The following WDR37 variants were observed in gnomAD, a reference collection of about 807,000 sequenced individuals.
WDR37 encodes the protein WD repeat domain 37.
In WDR37, 19 loss-of-function variants were observed where a neutral mutation model predicts 62.9. The ratio of observed to expected loss-of-function variants is 0.30; its 90% CI spans 0.21 to 0.44. WDR37 has a LOEUF of 0.44. Ranked by LOEUF, WDR37 falls within the 20% of genes least tolerant of loss-of-function variation. WDR37 has a pLI of 1.00. For missense variants in WDR37, 474 were observed against 657.6 expected (o/e 0.72, Z 3.05); for synonymous variants, 250 against 260.9 (o/e 0.96, Z 0.40).
intron 9 of WDR37, among the ~76,000 whole-genome samples, chr10:1,098,380 T>G (rs1290771597): frequency 7.0e-6 from 1 of 143,534 alleles, no homozygotes; most frequent in Admixed American, 7.6e-5. Context: ...CAGGCTGGAG[T>G]GCAGTGGCGT....
At chr10:1,069,391 T>A (rs7094070) in intron 1 of WDR37, among the ~76,000 whole-genome samples, 3,890 of 45,796 alleles carry the variant, frequency 0.085, 171 homozygotes, top group East Asian at 0.25. Context: ...ATATATATAT[T>A]TTTTTTTTTT....
chr10:1,114,189 T>A (rs528241700), intron 11 of WDR37, among the ~76,000 whole-genome samples: 39 of 152,264 alleles, frequency 2.6e-4, no homozygotes, highest in Non-Finnish European at 2.6e-4. Context: ...ACTGCTAACC[T>A]CAAATGATCC....
chr10:1,074,791 G>A (rs1215318013), intron 2 of WDR37, among the ~76,000 whole-genome samples: 1 of 152,354 alleles, frequency 6.6e-6, no homozygotes, highest in Non-Finnish European at 1.5e-5. Flanking sequence ...GGGAGACATC[G>A]TGTTAGGTTT....
chr10:1,070,714 C>G (rs1452538212), intron 1 of WDR37, among the ~76,000 whole-genome samples: 1 of 152,144 alleles, frequency 6.6e-6, no homozygotes, highest in Non-Finnish European at 1.5e-5. Flanking sequence ...GGAAGACACT[C>G]TAAATTTTTT....
Position 1,105,680 on chromosome 10 carries a change from G to A in WDR37, c.1103+413G>A, listed in dbSNP as rs4880765. Among the ~76,000 whole-genome samples the A allele has an allele frequency of 0.55, 84,156 of 151,846 alleles. 24,385 individuals are homozygous for A. Among genetic ancestry groups the A allele is most frequent in the Non-Finnish European group, 0.65 (44,311 of 67,950 alleles). ...AGTTTTTGTTATTACACGTGTCTGCGTGGTATATTCTGGGAGAAGGTATAC... is the reference window on the plus strand; with the variant it reads ...AGTTTTTGTTATTACACGTGTCTGCATGGTATATTCTGGGAGAAGGTATAC... On this transcript the variant is annotated intron_variant, in intron 11 of 13. Transcript: ENST00000263150. The surrounding 1 kb of genome is among the most constrained non-coding windows in gnomAD (Gnocchi z 5.3).
In WDR37 at chr10:1,111,671, C is replaced by T. The variant is rs1480690356; in HGVS notation, c.1103+6404C>T. Among the ~76,000 whole-genome samples the T allele has an allele frequency of 2.0e-5, 3 of 152,140 alleles. No homozygotes were observed. The East Asian group carries it at 5.8e-4, about 29-fold the overall frequency. ...GTGTTGTGGCATCTCTGTATTATAG[C>T]AGGAATTTTACCATGATAGTACTTA... On this transcript the variant is annotated intron_variant, in intron 11 of 13. Transcript: ENST00000263150.
chr10:1,084,649 T>C (rs1303597973), intron 6 of WDR37, 111 bp downstream of exon 6: 2 of 1,487,154 alleles, frequency 1.3e-6, no homozygotes, highest in Non-Finnish European at 9.1e-7. Context: ...AAAAGCGTCA[T>C]GGAGGAGTCA....
intron 11 of WDR37, among the ~76,000 whole-genome samples, chr10:1,115,924 C>T (rs886325385): frequency 8.5e-5 from 13 of 152,158 alleles, no homozygotes; most frequent in Non-Finnish European, 2.9e-5. Context: ...ACCTGTGTCT[C>T]CTCTCAGTGT....
intron 3 of WDR37, 94 bp downstream of exon 3, chr10:1,078,097 C>A: frequency 1.0e-6 from 1 of 967,188 alleles, no homozygotes. Flanking sequence ...GTTTTCTGTT[C>A]TGCTGTAGCA....
intron 11 of WDR37, among the ~76,000 whole-genome samples, chr10:1,107,231 C>A (rs1459052431): frequency 6.6e-6 from 1 of 152,236 alleles, no homozygotes; most frequent in Non-Finnish European, 1.5e-5. Context: ...TCCCCGACGT[C>A]CACCAGATGC....
Position 1,084,387 on chromosome 10 carries a change from C to T in WDR37, c.397-16C>T, listed in dbSNP as rs556591657. ...TTCAGTAAATTGTTTCACAAGACTC[C>T]CCATCTTGGTTTCAGATTGTCTCCA... On this transcript the variant is annotated splice_polypyrimidine_tract_variant and intron_variant, in intron 5 of 13. Coordinates refer to ENST00000263150, the MANE Select transcript of WDR37 (RefSeq NM_014023.4). The T allele has an allele frequency of 1.9e-6, 3 of 1,603,946 alleles. No individual in the cohort carries two copies. Among genetic ancestry groups the T allele is most frequent in the East Asian group, 2.2e-5 (1 of 44,594 alleles).
intron 11 of WDR37, among the ~76,000 whole-genome samples, chr10:1,108,738 T>TGGGGGG: frequency 1.7e-5 from 1 of 59,788 alleles, no homozygotes; most frequent in African/African-American, 5.5e-5. Context: ...GCTTCTGTGA[T>TGGGGGG]GCCCCCCCCC....
intron 1 of WDR37, among the ~76,000 whole-genome samples, chr10:1,062,249 A>G (rs1363338669): frequency 2.0e-5 from 3 of 152,226 alleles, no homozygotes; most frequent in Non-Finnish European, 4.4e-5. Context: ...GGCGGTATTG[A>G]CTATTTTGTG....
chr10:1,102,859 A>G (rs1267461587), intron 9 of WDR37, among the ~76,000 whole-genome samples: 1 of 152,166 alleles, frequency 6.6e-6, no homozygotes, highest in Non-Finnish European at 1.5e-5. Flanking sequence ...TTGCTAGAAC[A>G]GAAGTTCTCT....
At chr10:1,096,371 C>T (rs1589103878) in intron 9 of WDR37, 125 bp downstream of exon 9, 3 of 1,017,562 alleles carry the variant, frequency 2.9e-6, no homozygotes, top group Non-Finnish European at 4.5e-6. Context: ...GAAGGCCTCA[C>T]CCCCGGTATG....
At chr10:1,107,916 CAT>C (rs57242050) in intron 11 of WDR37, among the ~76,000 whole-genome samples, 23,848 of 151,986 alleles carry the variant, frequency 0.16, 2,287 homozygotes, top group African/African-American at 0.28. Flanking sequence ...TCTATTTACA[CAT>C]GTGTACACAC....
At chr10:1,069,389 A>ATATATATTTTTTTTTTT in intron 1 of WDR37, among the ~76,000 whole-genome samples, 2 of 95,806 alleles carry the variant, frequency 2.1e-5, no homozygotes, top group Admixed American at 1.2e-4. Flanking sequence ...ATATATATAT[A>ATATATATTTTTTTTTTT]TTTTTTTTTT....
intron 7 of WDR37, among the ~76,000 whole-genome samples, chr10:1,089,795 C>T (rs941058018): frequency 6.6e-6 from 1 of 152,234 alleles, no homozygotes; most frequent in Non-Finnish European, 1.5e-5. Context: ...TCTCTTCGCT[C>T]ATCGTCTCTT....
In WDR37 at chr10:1,106,544, T is replaced by G. The variant is rs955127116; in HGVS notation, c.1103+1277T>G. Among the ~76,000 whole-genome samples the G allele has an allele frequency of 3.3e-5, 5 of 152,036 alleles. 1 individual carries two copies. The highest frequency in any genetic ancestry group is 7.3e-5 in the African/African-American group (3 of 41,374). ...TTTGTTTGTTTGTTAATAGACGGAG[T>G]CTCTTTCTGTCGCCCGGGCTGGAGT... On this transcript the variant is annotated intron_variant, in intron 11 of 13. Coordinates refer to ENST00000263150, the MANE Select transcript of WDR37 (RefSeq NM_014023.4).
Sources: gnomAD v4.1 joint callset for allele counts (sites outside exome capture counted in the v4.1 genomes callset) on GRCh38, gnomAD v4.1.1 for gene constraint, Gnocchi (gnomAD v3.1) non-coding constraint, MANE v1.5 for transcripts, NCBI Gene and HGNC (gene_info 2026-07-23, HGNC 2026-07-21) for gene names.